Variants in FYN observed in about 807,000 individuals in gnomAD.
FYN encodes the protein FYN proto-oncogene, Src family tyrosine kinase.
FYN carries 10 observed loss-of-function variants against 70.2 expected under a neutral mutation model. The observed-to-expected ratio is 0.14, with a 90% CI of 0.09 to 0.24. The LOEUF (loss-of-function observed/expected upper bound fraction) is 0.24, where lower values mean the gene tolerates loss of function less well. Among genes scored for constraint, FYN ranks in the 10% least tolerant of loss-of-function variants. The probability of loss-of-function intolerance (pLI) is 1.00; values close to 1 mark genes in which losing one functional copy is unlikely to be tolerated. For synonymous variants in FYN, 236 were observed against 248.6 expected (o/e 0.95, Z 0.48); for missense variants, 319 against 673.1 (o/e 0.47, Z 5.82).
Position 111,719,905 on chromosome 6 carries a change from G to A in FYN, c.147C>T (p.Asn49=). ...CCCCGGCTGCGTGGAAGTTGTTGTA[G>A]TTGGGGATGGAGGTCACACCGAAGC... ...YPSFGVTSIP[N]YNNFHAAGGQ... is the part of the protein sequence containing the mutation. The change falls in exon 4 of 14, where the codon AAC becomes AAT. Residue 49 remains asparagine (N), a synonymous_variant. Coordinates refer to ENST00000354650, the MANE Select transcript of FYN (RefSeq NM_002037.5). The A allele has an allele frequency of 2.5e-6, 4 of 1,614,208 alleles. No homozygotes were observed. Among genetic ancestry groups the A allele is most frequent in the Non-Finnish European group, 3.4e-6 (4 of 1,180,034 alleles).
At chr6:111,811,283 C>A (rs1324367271) in intron 2 of FYN, among the ~76,000 whole-genome samples, 1 of 152,136 alleles carries the variant, frequency 6.6e-6, no homozygotes, top group African/African-American at 2.4e-5. Context: ...TTTACAGAAG[C>A]CATCAAGTTT....
chr6:111,782,121 T>G (rs527938703), intron 2 of FYN, among the ~76,000 whole-genome samples: 1 of 152,246 alleles, frequency 6.6e-6, no homozygotes, highest in Non-Finnish European at 1.5e-5. Flanking sequence ...TCATTGACTT[T>G]TCCACCTTGA....
At chr6:111,808,797 T>C (rs146133919) in intron 2 of FYN, among the ~76,000 whole-genome samples, 2,597 of 152,336 alleles carry the variant, frequency 0.017, 27 homozygotes, top group Non-Finnish European at 0.027. Flanking sequence ...CCTGATGCTA[T>C]AGGTAACTGC....
intron 13 of FYN, among the ~76,000 whole-genome samples, chr6:111,668,483 A>G (rs1216139255): frequency 6.7e-6 from 1 of 150,336 alleles, no homozygotes; most frequent in Non-Finnish European, 1.5e-5. Flanking sequence ...ACAGTATCAT[A>G]GAGAACTCCT....
At chr6:111,663,980 GT>G (rs1280062877) in intron 13 of FYN, among the ~76,000 whole-genome samples, 3 of 152,186 alleles carry the variant, frequency 2.0e-5, no homozygotes, top group African/African-American at 7.2e-5. Context: ...ACACCATCAA[GT>G]TTTTGTAACT....
intron 2 of FYN, among the ~76,000 whole-genome samples, chr6:111,787,706 G>A (rs1018203852): frequency 2.0e-5 from 3 of 152,188 alleles, no homozygotes; most frequent in Non-Finnish European, 2.9e-5. Context: ...TTTTCTCAAA[G>A]TGGAACACTC....
At chr6:111,668,952 C>T (rs1438183531) in intron 13 of FYN, among the ~76,000 whole-genome samples, 2 of 152,118 alleles carry the variant, frequency 1.3e-5, no homozygotes, top group Non-Finnish European at 2.9e-5. Flanking sequence ...AATGTATCTA[C>T]GGTTCAGGGC....
In FYN at chr6:111,694,520, T is replaced by C. The variant is rs748934675; in HGVS notation, c.1128A>G (p.Ala376=). ...TCATGCGCTCGATGTAAGCCATTCCTGCAGCCACCTGTGGAAACCCAGGGA... is the reference window on the plus strand; with the variant it reads ...TCATGCGCTCGATGTAAGCCATTCCCGCAGCCACCTGTGGAAACCCAGGGA... ...NLVDMAAQVA[A]GMAYIERMNY... Residue 376 remains alanine (A), a synonymous_variant, in exon 12 of 14, where the codon GCA becomes GCG. Transcript: ENST00000354650. The surrounding 1 kb of genome is among the most constrained non-coding windows in gnomAD (Gnocchi z 5.0). The C allele has an allele frequency of 1.9e-6, 3 of 1,614,092 alleles. No homozygotes were observed. In the South Asian group the frequency reaches 3.3e-5, roughly 18 times the overall value.
At chr6:111,670,265 G>C (rs957770757) in intron 13 of FYN, among the ~76,000 whole-genome samples, 11 of 152,062 alleles carry the variant, frequency 7.2e-5, no homozygotes, top group Middle Eastern at 3.2e-3. Flanking sequence ...TTTGATTCTG[G>C]AGGGTCTCTG....
chr6:111,842,242 T>G (rs1411992257), intron 2 of FYN, among the ~76,000 whole-genome samples: 1 of 152,204 alleles, frequency 6.6e-6, no homozygotes, highest in African/African-American at 2.4e-5. Context: ...CTATAGTTTC[T>G]GAGGCTGGCA....
chr6:111,772,130 G>A (rs138156400), intron 3 of FYN, among the ~76,000 whole-genome samples: 3 of 152,286 alleles, frequency 2.0e-5, no homozygotes, highest in African/African-American at 7.2e-5. Flanking sequence ...AGGAGCCTGT[G>A]TGGTACCTAG....
At chr6:111,737,093 T>C (rs1055313369) in intron 3 of FYN, among the ~76,000 whole-genome samples, 3 of 152,214 alleles carry the variant, frequency 2.0e-5, no homozygotes, top group Non-Finnish European at 2.9e-5. Context: ...CTCTTTAAAA[T>C]AATGGTGTGG....
At chr6:111,813,122 T>G (rs1042540303) in intron 2 of FYN, among the ~76,000 whole-genome samples, 6 of 152,226 alleles carry the variant, frequency 3.9e-5, no homozygotes, top group African/African-American at 1.4e-4. Context: ...ATCATGGACT[T>G]ACTGTCTTGC....
At chr6:111,836,667 C>G (rs1773197327) in intron 2 of FYN, among the ~76,000 whole-genome samples, 2 of 152,076 alleles carry the variant, frequency 1.3e-5, no homozygotes, top group African/African-American at 4.8e-5. Flanking sequence ...GCTAGGGAGG[C>G]TGAGGTGGGA....
intron 1 of FYN, among the ~76,000 whole-genome samples, chr6:111,862,917 G>A (rs1774004245): frequency 6.6e-6 from 1 of 152,188 alleles, no homozygotes; most frequent in African/African-American, 2.4e-5. Flanking sequence ...GGAAAACAAA[G>A]GCCGGAGCCA....
intron 13 of FYN, among the ~76,000 whole-genome samples, chr6:111,673,316 C>T (rs1395012766): frequency 2.6e-5 from 4 of 152,086 alleles, no homozygotes; most frequent in Admixed American, 2.0e-4. Flanking sequence ...ATAAAACTGA[C>T]TTACACCCGC....
intron 13 of FYN, among the ~76,000 whole-genome samples, chr6:111,673,619 A>AATGTTTTTTT (rs1301768351): frequency 1.5e-5 from 1 of 65,010 alleles, no homozygotes; most frequent in South Asian, 4.9e-4. Flanking sequence ...CGTTTCTATC[A>AATGTTTTTTT]TTGTTTTTTT....
chr6:111,871,945 C>CA (rs1318767926), intron 1 of FYN, among the ~76,000 whole-genome samples: 1 of 152,186 alleles, frequency 6.6e-6, no homozygotes, highest in Non-Finnish European at 1.5e-5. Flanking sequence ...AGGAAAGACT[C>CA]AGAGAGATCA....
chr6:111,719,873 C>A lies in FYN; in HGVS notation c.179G>T (p.Gly60Val). The change falls in exon 4 of 14, where the codon GGA (glycine) becomes GTA (valine). Residue 60 changes from glycine to valine, a missense_variant. Gly to Val is a moderately radical substitution (Grantham distance 109). Coordinates refer to ENST00000354650, the MANE Select transcript of FYN (RefSeq NM_002037.5). ...GTTCACACCTCCAAAGACGGTGAGT[C>A]CTTGGCCCCCGGCTGCGTGGAAGTT... ...YNNFHAAGGQ[G>V]LTVFGGVNSS... is the part of the protein sequence containing the mutation. 6.2e-7 allele frequency: 1 copy of A among 1,614,148 alleles called. No individual in the cohort carries two copies. Among genetic ancestry groups the A allele is most frequent in the Non-Finnish European group, 8.5e-7 (1 of 1,180,028 alleles).
Sources: allele counts gnomAD v4.1 joint callset (sites outside exome capture counted in the v4.1 genomes callset), GRCh38; gene constraint gnomAD v4.1.1; non-coding constraint Gnocchi (gnomAD v3.1); transcripts MANE v1.5; gene names NCBI Gene and HGNC (gene_info 2026-07-23, HGNC 2026-07-21).